UIMC1: variants seen among roughly 807,000 people sequenced by gnomAD.
UIMC1 encodes the protein ubiquitin interaction motif containing 1.
Under a neutral mutation model 84.9 loss-of-function variants are expected in UIMC1, and 42 were observed. That is an observed-to-expected ratio of 0.49 (90% confidence interval 0.39 to 0.64). The LOEUF is 0.64. Among genes scored for constraint, UIMC1 ranks in the 30% least tolerant of loss-of-function variants. UIMC1 has a pLI of 0.00. For missense variants in UIMC1, 825 were observed against 847.6 expected (o/e 0.97, Z 0.33); for synonymous variants, 281 against 293.0 (o/e 0.96, Z 0.42).
intron 10 of UIMC1, among the ~76,000 whole-genome samples, chr5:176,928,389 T>C (rs1014131417): frequency 6.6e-6 from 1 of 152,160 alleles, no homozygotes; most frequent in African/African-American, 2.4e-5. Flanking sequence ...CAATACTATA[T>C]TAGATACTAT....
chr5:177,007,923 G>C (rs893310359), upstream of UIMC1, among the ~76,000 whole-genome samples: 2 of 152,044 alleles, frequency 1.3e-5, no homozygotes, highest in African/African-American at 4.8e-5. Context: ...TGACCAACAT[G>C]GTGAAACCCC....
At chr5:176,964,662 T>G (rs1314729683) in intron 6 of UIMC1, among the ~76,000 whole-genome samples, 18 of 152,226 alleles carry the variant, frequency 1.2e-4, no homozygotes, top group Non-Finnish European at 1.5e-5. Flanking sequence ...TAATATGATC[T>G]GAACCATACA....
intron 13 of UIMC1, among the ~76,000 whole-genome samples, chr5:176,906,700 A>G (rs953546998): frequency 5.9e-5 from 9 of 152,248 alleles, no homozygotes; most frequent in African/African-American, 2.2e-4. Flanking sequence ...TACTACGCAC[A>G]AACGCTCAGG....
At chr5:176,954,974 T>C (rs1766413789) in intron 8 of UIMC1, among the ~76,000 whole-genome samples, 1 of 152,162 alleles carries the variant, frequency 6.6e-6, no homozygotes, top group South Asian at 2.1e-4. Context: ...AAACCAGATG[T>C]GACTTAGGGC....
chr5:177,010,351 C>T (rs549046667), upstream of UIMC1, among the ~76,000 whole-genome samples: 16 of 152,164 alleles, frequency 1.1e-4, no homozygotes, highest in Admixed American at 3.9e-4. Context: ...ATTGCTGTGT[C>T]GTCAAAATTA....
Position 176,970,882 on chromosome 5 carries a change from G to C in UIMC1, c.233-16C>G. Reference sequence around the variant, plus strand: ...TCTGTCATCTCTGTAAGAGGATAGGGAAAAGAGAAGGAGGAACACCACAAA... The same window carrying C: ...TCTGTCATCTCTGTAAGAGGATAGGCAAAAGAGAAGGAGGAACACCACAAA... On this transcript the variant is annotated splice_polypyrimidine_tract_variant and intron_variant, in intron 3 of 14. Transcript: ENST00000511320. The C allele has an allele frequency of 6.2e-7, 1 of 1,612,020 alleles. No homozygotes were observed. Among genetic ancestry groups the C allele is most frequent in the Non-Finnish European group, 8.5e-7 (1 of 1,179,286 alleles).
intron 10 of UIMC1, among the ~76,000 whole-genome samples, chr5:176,929,586 A>ATATAATCTGAAATAATCCAGGATGGG (rs1286929176): frequency 2.0e-5 from 3 of 152,060 alleles, no homozygotes; most frequent in African/African-American, 4.8e-5. Context: ...GTTATCTGAG[A>ATATAATCTGAAATAATCCAGGATGGG]TATAATCTGA....
At chr5:176,987,909 C>G (rs1461851048) in intron 1 of UIMC1, among the ~76,000 whole-genome samples, 1 of 151,874 alleles carries the variant, frequency 6.6e-6, no homozygotes. Flanking sequence ...ACTGGTGGAT[C>G]ACTTAAGCCC....
intron 6 of UIMC1, among the ~76,000 whole-genome samples, chr5:176,961,239 C>T (rs1369049414): frequency 3.0e-4 from 3 of 9,884 alleles, no homozygotes; most frequent in Non-Finnish European, 5.2e-4. Context: ...CGTCTCTGCC[C>T]GGCCGCCCAT....
chr5:176,923,990 A>G (rs1762065646), intron 10 of UIMC1, among the ~76,000 whole-genome samples: 1 of 151,912 alleles, frequency 6.6e-6, no homozygotes, highest in South Asian at 2.1e-4. Flanking sequence ...TGTTGGCTCA[A>G]TAATTTATAT....
chr5:176,938,527 CAGAG>C (rs1029633407), intron 10 of UIMC1, among the ~76,000 whole-genome samples: 3 of 152,196 alleles, frequency 2.0e-5, no homozygotes, highest in Non-Finnish European at 4.4e-5. Flanking sequence ...GAGGAACATG[CAGAG>C]AGTAGAATGG....
At chr5:176,972,483 C>G (rs932434958) in intron 3 of UIMC1, among the ~76,000 whole-genome samples, 1 of 152,054 alleles carries the variant, frequency 6.6e-6, no homozygotes, top group Non-Finnish European at 1.5e-5. Flanking sequence ...TGCCTGTAAT[C>G]CCAGCACTTT....
intron 10 of UIMC1, among the ~76,000 whole-genome samples, chr5:176,929,800 C>CT (rs1762861767): frequency 6.6e-6 from 1 of 152,116 alleles, no homozygotes; most frequent in Non-Finnish European, 1.5e-5. Flanking sequence ...TAGCCACTGT[C>CT]TTTTGAAGAA....
chr5:176,984,797 A>G (rs1771712319), intron 1 of UIMC1, among the ~76,000 whole-genome samples: 2 of 152,112 alleles, frequency 1.3e-5, no homozygotes, highest in Non-Finnish European at 2.9e-5. Flanking sequence ...CTTACCCCCA[A>G]CCCCGTGCTC....
chr5:176,966,670 C>T (rs1180664367), intron 6 of UIMC1, among the ~76,000 whole-genome samples: 3 of 152,046 alleles, frequency 2.0e-5, no homozygotes, highest in Non-Finnish European at 4.4e-5. Flanking sequence ...AATCTAGCTA[C>T]TTCAGAAAAA....
At chr5:176,932,205 G>A (rs1214082600) in intron 10 of UIMC1, among the ~76,000 whole-genome samples, 2 of 152,184 alleles carry the variant, frequency 1.3e-5, no homozygotes, top group South Asian at 2.1e-4. Context: ...GTTCTAGGGT[G>A]AAGCCGACTA....
At chr5:177,000,014 A>C (rs1774213369) in intron 1 of UIMC1, among the ~76,000 whole-genome samples, 1 of 152,148 alleles carries the variant, frequency 6.6e-6, no homozygotes, top group Admixed American at 6.6e-5. Flanking sequence ...GCGGGAGTGC[A>C]GTGGTGCCAT....
At chr5:176,981,016 T>C (rs187793391) in intron 2 of UIMC1, among the ~76,000 whole-genome samples, 154 of 152,282 alleles carry the variant, frequency 1.0e-3, no homozygotes, top group Non-Finnish European at 1.6e-3. Flanking sequence ...ACTGGGATTA[T>C]AGGGATGAGT....
upstream of UIMC1, among the ~76,000 whole-genome samples, chr5:177,009,776 T>C (rs1775503507): frequency 6.6e-6 from 1 of 152,042 alleles, no homozygotes; most frequent in Admixed American, 6.6e-5. The surrounding 1 kb of genome is among the most constrained non-coding windows in gnomAD (Gnocchi z 4.3). Flanking sequence ...GACTCACACC[T>C]ATAATCCCAG....
Sources: gnomAD v4.1 joint callset for allele counts (sites outside exome capture counted in the v4.1 genomes callset) on GRCh38, gnomAD v4.1.1 for gene constraint, Gnocchi (gnomAD v3.1) non-coding constraint, MANE v1.5 for transcripts, NCBI Gene and HGNC (gene_info 2026-07-23, HGNC 2026-07-21) for gene names.